GRM5: variants seen among roughly 807,000 people sequenced by gnomAD.
The protein encoded by GRM5 is metabotropic glutamate receptor 5.
Under a neutral mutation model 83.1 loss-of-function variants are expected in GRM5, and 19 were observed. The observed-to-expected ratio is 0.23, with a 90% CI of 0.16 to 0.34. The LOEUF (loss-of-function observed/expected upper bound fraction) is 0.34, where lower values mean the gene tolerates loss of function less well. Among genes scored for constraint, GRM5 ranks in the 10% least tolerant of loss-of-function variants. GRM5 has a pLI of 1.00. For synonymous variants in GRM5, 675 were observed against 633.6 expected (o/e 1.07, Z -0.98); for missense variants, 1,160 against 1,588.3 (o/e 0.73, Z 4.58).
intron 3 of GRM5, among the ~76,000 whole-genome samples, chr11:88,670,472 T>C (rs1257948875): frequency 2.0e-5 from 3 of 151,720 alleles, no homozygotes; most frequent in South Asian, 2.1e-4. Flanking sequence ...TAGGAGAAGA[T>C]CTTGTAGTGT....
At chr11:89,005,026 C>T (rs1286854982) in intron 2 of GRM5, among the ~76,000 whole-genome samples, 1 of 152,082 alleles carries the variant, frequency 6.6e-6, no homozygotes, top group Non-Finnish European at 1.5e-5. Context: ...TTTGGCAGAC[C>T]AGACTGCCTC....
intron 3 of GRM5, among the ~76,000 whole-genome samples, chr11:88,817,125 C>G (rs1943706860): frequency 6.6e-6 from 1 of 152,084 alleles, no homozygotes; most frequent in Non-Finnish European, 1.5e-5. Flanking sequence ...CAAAATATCA[C>G]TCCATGAAGA....
intron 7 of GRM5, among the ~76,000 whole-genome samples, chr11:88,580,687 A>G (rs1943199974): frequency 6.6e-6 from 1 of 152,192 alleles, no homozygotes; most frequent in Non-Finnish European, 1.5e-5. Context: ...TTCATTTAGA[A>G]TCAGAAGGGC....
intron 1 of GRM5, among the ~76,000 whole-genome samples, chr11:89,050,426 G>A (rs1941732849): frequency 6.6e-6 from 1 of 152,056 alleles, no homozygotes; most frequent in East Asian, 1.9e-4. Flanking sequence ...CCCTATACTT[G>A]TGGGCCTTAC....
chr11:88,844,389 C>CACAG, intron 3 of GRM5, among the ~76,000 whole-genome samples: 1 of 145,348 alleles, frequency 6.9e-6, no homozygotes, highest in Non-Finnish European at 1.5e-5. Flanking sequence ...CACACACACA[C>CACAG]ATATATATAT....
At chr11:88,769,844 G>A (rs1942695826) in intron 3 of GRM5, among the ~76,000 whole-genome samples, 1 of 151,996 alleles carries the variant, frequency 6.6e-6, no homozygotes, top group African/African-American at 2.4e-5. Flanking sequence ...TCCTAAAGGA[G>A]GGAGAGCAAA....
At chr11:88,980,555 G>T (rs1939487887) in intron 2 of GRM5, among the ~76,000 whole-genome samples, 1 of 152,130 alleles carries the variant, frequency 6.6e-6, no homozygotes, top group Non-Finnish European at 1.5e-5. Flanking sequence ...GGGTGCGGTG[G>T]CTCACAACTG....
At chr11:88,991,118 T>C (rs182437988) in intron 2 of GRM5, among the ~76,000 whole-genome samples, 4,687 of 152,082 alleles carry the variant, frequency 0.031, 249 homozygotes, top group African/African-American at 0.11. Flanking sequence ...ACAACCCCAT[T>C]GTCTCAGCCC....
rs144841303 is a variant in GRM5 at position 88,938,529 on chromosome 11, A to G, written c.662-88374T>C. Among the ~76,000 whole-genome samples the G allele has an allele frequency of 5.7e-3, 827 of 144,328 alleles. 17 individuals are homozygous for G. In the East Asian group the frequency reaches 0.074, roughly 13 times the overall value. The allele number at this position is 144,328 out of a possible 152,430, so 94.7% of individuals were successfully genotyped here. A position where few individuals can be genotyped will look rare whatever the true frequency, so the allele number is the denominator to read the frequency against. ...TTTTTATATACTTTTAATTCGCACA[A>G]TATTTTTATGAGGTATTACTTCATT... On this transcript the variant is annotated intron_variant, in intron 2 of 9. Coordinates refer to ENST00000305447, the MANE Select transcript of GRM5 (RefSeq NM_001143831.3).
chr11:89,009,623 G>A (rs1436438932), intron 2 of GRM5, among the ~76,000 whole-genome samples: 10 of 152,116 alleles, frequency 6.6e-5, no homozygotes, highest in South Asian at 4.1e-4. Context: ...CAGGCCGGGC[G>A]CGGTGGCTCA....
chr11:88,563,600 T>C (rs371161827), intron 8 of GRM5, among the ~76,000 whole-genome samples: 1 of 152,298 alleles, frequency 6.6e-6, no homozygotes, highest in East Asian at 1.9e-4. Flanking sequence ...GCATGGTAGA[T>C]GCTTCTCCAC....
At chr11:88,549,446 A>C (rs1032702426) in intron 8 of GRM5, among the ~76,000 whole-genome samples, 2 of 151,632 alleles carry the variant, frequency 1.3e-5, no homozygotes. Flanking sequence ...TCTCAAAGAA[A>C]AAAAAAAAAA....
At position 88,508,491 on chromosome 11, in the gene GRM5, C is replaced by T; in HGVS notation, c.*101G>A. On this transcript the variant is annotated 3_prime_UTR_variant, in exon 10 of 10. Transcript: ENST00000305447. This position sits in a 1 kb window ranked among gnomAD's most constrained non-coding sequence, Gnocchi z 4.2. Reference sequence around the variant, plus strand: ...CATTAAGGGGTGCCCTTGGCATCTTCCCCCTGGGCCGTAACCAGGCGACTA... The same window carrying T: ...CATTAAGGGGTGCCCTTGGCATCTTTCCCCTGGGCCGTAACCAGGCGACTA... 6.8e-6 allele frequency: 6 copies of T among 885,922 alleles called. No homozygotes were observed. Among genetic ancestry groups the T allele is most frequent in the East Asian group, 3.1e-5 (1 of 32,412 alleles). 54.9% of individuals were successfully genotyped at this position (885,922 alleles called of 1,614,324 possible).
chr11:88,750,715 C>G (rs1369059436), intron 3 of GRM5, among the ~76,000 whole-genome samples: 1 of 152,046 alleles, frequency 6.6e-6, no homozygotes, highest in Non-Finnish European at 1.5e-5. Context: ...GAACTTAAAT[C>G]ATAACAAACA....
At chr11:88,764,635 A>T (rs1208164444) in intron 3 of GRM5, among the ~76,000 whole-genome samples, 1 of 151,592 alleles carries the variant, frequency 6.6e-6, no homozygotes, top group Non-Finnish European at 1.5e-5. Context: ...CACAGGGGAA[A>T]TTGGAAAATA....
intron 3 of GRM5, among the ~76,000 whole-genome samples, chr11:88,713,708 CATGT>C (rs940626259): frequency 7.9e-5 from 12 of 151,934 alleles, no homozygotes; most frequent in Non-Finnish European, 1.5e-4. Context: ...GTGGGAAATA[CATGT>C]GTTTCTGTTG....
At chr11:88,725,059 C>T (rs559162529) in intron 3 of GRM5, among the ~76,000 whole-genome samples, 1 of 152,114 alleles carries the variant, frequency 6.6e-6, no homozygotes, top group South Asian at 2.1e-4. Flanking sequence ...CCATTCACTC[C>T]CCTGGAAAGG....
At chr11:88,543,498 AC>A (rs1382108029) in intron 8 of GRM5, among the ~76,000 whole-genome samples, 2 of 151,958 alleles carry the variant, frequency 1.3e-5, no homozygotes, top group African/African-American at 4.8e-5. Context: ...GCCTGGCAAG[AC>A]TCAATAATAA....
At chr11:89,006,435 T>C (rs1354818809) in intron 2 of GRM5, among the ~76,000 whole-genome samples, 1 of 152,232 alleles carries the variant, frequency 6.6e-6, no homozygotes, top group African/African-American at 2.4e-5. Flanking sequence ...TGCTTCCACC[T>C]GGACCCCTGC....
Sources: allele counts gnomAD v4.1 joint callset (sites outside exome capture counted in the v4.1 genomes callset), GRCh38; gene constraint gnomAD v4.1.1; non-coding constraint Gnocchi (gnomAD v3.1); transcripts MANE v1.5; gene names NCBI Gene and HGNC (gene_info 2026-07-23, HGNC 2026-07-21).